LOXHD1: variants seen among roughly 807,000 people sequenced by gnomAD.
LOXHD1 encodes the protein lipoxygenase homology PLAT domains 1.
LOXHD1 carries 205 observed loss-of-function variants against 248.2 expected under a neutral mutation model. The observed-to-expected ratio is 0.83, with a 90% CI of 0.74 to 0.93. The LOEUF is 0.93. Ranked by LOEUF, LOXHD1 falls within the 40% of genes least tolerant of loss-of-function variation. The pLI is 0.00. For missense variants in LOXHD1, 2,930 were observed against 2,971.6 expected (o/e 0.99, Z 0.33); for synonymous variants, 1,113 against 1,162.8 (o/e 0.96, Z 0.87).
In LOXHD1 at chr18:46,593,693, G is replaced by T. The variant is rs1015986991; in HGVS notation, c.1338C>A (p.Phe446Leu). ...GCCCCTTCTGCCCATAAATCTGGAT[G>T]AAGATGGGAGAGTTGGTACCAGCTT... ...LKKAGTNSPIFIQIYGQKGRT... is the reference protein window; with the variant it reads ...LKKAGTNSPILIQIYGQKGRT... The change falls in exon 10 of 41, where the codon TTC (phenylalanine) becomes TTA (leucine). Residue 446 changes from phenylalanine to leucine, a missense_variant. By Grantham distance (22) the Phe-to-Leu change is conservative. Transcript: ENST00000642948. 6 of 1,552,282 alleles carry T rather than the reference G, an allele frequency of 3.9e-6. No individual in the cohort carries two copies. Among genetic ancestry groups the T allele is most frequent in the Non-Finnish European group, 5.2e-6 (6 of 1,147,108 alleles).
At chr18:46,581,370 G>A (rs1278183549) in intron 12 of LOXHD1, among the ~76,000 whole-genome samples, 1 of 152,132 alleles carries the variant, frequency 6.6e-6, no homozygotes, top group African/African-American at 2.4e-5. Context: ...TTTTGGCTTG[G>A]GCAATTAGAT....
At chr18:46,520,575 A>AC in intron 33 of LOXHD1, 1 of 293,536 alleles carries the variant, frequency 3.4e-6, no homozygotes, top group South Asian at 3.2e-5. Context: ...CGAAGCTCAG[A>AC]CCTCTTGCCC....
chr18:46,492,609 C>G (rs2033566453), intron 37 of LOXHD1, among the ~76,000 whole-genome samples: 1 of 152,216 alleles, frequency 6.6e-6, no homozygotes, highest in South Asian at 2.1e-4. Context: ...GGTGGGGACA[C>G]AGAGCCAAAG....
At chr18:46,565,694 A>C (rs750700743) in intron 17 of LOXHD1, among the ~76,000 whole-genome samples, 1 of 152,172 alleles carries the variant, frequency 6.6e-6, no homozygotes, top group Non-Finnish European at 1.5e-5. Flanking sequence ...AAATATCTCT[A>C]GGTTACTTAT....
rs560775398 is a variant in LOXHD1, at chr18:46,593,639, G to T, written c.1392C>A (p.Asn464Lys). The T allele has an allele frequency of 4.5e-6, 7 of 1,552,264 alleles. No individual in the cohort carries two copies. The highest frequency in any genetic ancestry group is 4.9e-5 in the East Asian group (2 of 40,910). Residue 464 changes from asparagine to lysine, a missense_variant, in exon 10 of 41, where the codon AAC becomes AAA. Asn to Lys is a moderately conservative substitution (Grantham distance 94, BLOSUM62 0). Transcript: ENST00000642948. ...GRTDEILLNP[N>K]NKWFKPGIIE... ...TTATGCCGGGTTTGAACCACTTGTT[G>T]TTGGGATTCAGGAGAATCTCATCTG...
At chr18:46,627,383 C>T (rs1034216601) in intron 4 of LOXHD1, among the ~76,000 whole-genome samples, 3 of 151,788 alleles carry the variant, frequency 2.0e-5, no homozygotes, top group African/African-American at 7.3e-5. Flanking sequence ...AGGGAGGGTT[C>T]CAGCAGGAAG....
At position 46,515,898 on chromosome 18, in the gene LOXHD1, G is replaced by A. The variant is rs187912756; in HGVS notation, c.5399+2231C>T. On this transcript the variant is annotated intron_variant, in intron 34 of 40. Coordinates refer to ENST00000642948, the MANE Select transcript of LOXHD1 (RefSeq NM_001384474.1). ...TATTTTGTCCCTGCTCCCAACTCAGGACTAACCAGACCGACGGACCAAATC... is the reference window on the plus strand; with the variant it reads ...TATTTTGTCCCTGCTCCCAACTCAGAACTAACCAGACCGACGGACCAAATC... 3.3e-5 allele frequency among the ~76,000 whole-genome samples: 5 copies of A among 152,258 alleles called. No homozygotes were observed. In the East Asian group the frequency reaches 9.6e-4, roughly 29 times the overall value.
chr18:46,536,322 C>G (rs1023664437), intron 26 of LOXHD1, among the ~76,000 whole-genome samples: 3 of 151,910 alleles, frequency 2.0e-5, no homozygotes, highest in African/African-American at 7.3e-5. Flanking sequence ...AGTGGCTGAG[C>G]CAGAATCAGA....
chr18:46,509,854 G>A (rs200988428), intron 34 of LOXHD1, 39 bp from the exon 35 acceptor site: 9 of 845,088 alleles, frequency 1.1e-5, no homozygotes, highest in East Asian at 3.9e-5. Flanking sequence ...AGGGAAGCTG[G>A]CCATTGGGGA....
chr18:46,593,050 G>C (rs1358895716), intron 10 of LOXHD1, among the ~76,000 whole-genome samples: 1 of 152,172 alleles, frequency 6.6e-6, no homozygotes, highest in African/African-American at 2.4e-5. Context: ...AATGAACTGA[G>C]TGGTGTAACA....
chr18:46,629,808 GA>G (rs1247363707), intron 4 of LOXHD1, among the ~76,000 whole-genome samples: 4 of 136,472 alleles, frequency 2.9e-5, no homozygotes, highest in African/African-American at 1.1e-4. Context: ...AAAAAAAAAA[GA>G]AAAAAAGAAA....
At chr18:46,594,518 T>C in intron 8 of LOXHD1, 52 bp from the exon 9 acceptor site, 2 of 1,548,172 alleles carry the variant, frequency 1.3e-6, no homozygotes, top group Non-Finnish European at 1.7e-6. Flanking sequence ...AGTAGGGTCC[T>C]CTTCGTGATG....
chr18:46,545,340 A>G lies in LOXHD1; in HGVS notation c.3596T>C (p.Leu1199Pro), dbSNP rs960260122. The change falls in exon 23 of 41, where the codon CTC becomes CCC. Residue 1199 changes from leucine (L) to proline (P), a missense_variant. Physicochemically the swap from Leu to Pro is moderately conservative, Grantham distance 98. Coordinates refer to ENST00000642948, the MANE Select transcript of LOXHD1 (RefSeq NM_001384474.1). ...ACCAGTGTCATCCTGTGTGCCAAAG[A>G]GTGTGATGAAGACATTAGCATCTGT... is the stretch of plus-strand genomic sequence containing the variant. ...AGTDANVFITLFGTQDDTGMT... is the reference protein window; with the variant it reads ...AGTDANVFITPFGTQDDTGMT... 3.9e-6 allele frequency: 6 copies of G among 1,551,690 alleles called. No homozygotes were observed. The highest frequency in any genetic ancestry group is 5.2e-6 in the Non-Finnish European group (6 of 1,146,890).
At chr18:46,615,665 AC>A (rs2038575909) in intron 5 of LOXHD1, among the ~76,000 whole-genome samples, 3 of 152,140 alleles carry the variant, frequency 2.0e-5, no homozygotes, top group African/African-American at 7.2e-5. Flanking sequence ...TGTATTCTCT[AC>A]CAGTTGGATG....
intron 2 of LOXHD1, among the ~76,000 whole-genome samples, chr18:46,642,981 C>A (rs1651000666): frequency 6.6e-6 from 1 of 152,202 alleles, no homozygotes; most frequent in Non-Finnish European, 1.5e-5. Context: ...TGTGCCATCA[C>A]AGAAGATTTA....
intron 40 of LOXHD1, among the ~76,000 whole-genome samples, chr18:46,478,739 T>C (rs1392656611): frequency 6.6e-6 from 1 of 152,182 alleles, no homozygotes; most frequent in Non-Finnish European, 1.5e-5. Flanking sequence ...GCTACCCAGG[T>C]TGGACTGCAA....
At chr18:46,560,048 T>TGCCACCCC in intron 19 of LOXHD1, 35 bp downstream of exon 19, 1 of 1,226,296 alleles carries the variant, frequency 8.2e-7, no homozygotes, top group Non-Finnish European at 1.1e-6. Flanking sequence ...GTCTGGCCAC[T>TGCCACCCC]CCCTCCCCAC....
chr18:46,629,528 C>T (rs973442416), intron 4 of LOXHD1, among the ~76,000 whole-genome samples: 2 of 152,050 alleles, frequency 1.3e-5, no homozygotes, highest in Admixed American at 6.5e-5. Flanking sequence ...AATCACCATC[C>T]CTTTCTTATC....
chr18:46,528,938 T>C (rs1422613665), intron 29 of LOXHD1, among the ~76,000 whole-genome samples: 1 of 152,026 alleles, frequency 6.6e-6, no homozygotes, highest in Non-Finnish European at 1.5e-5. Flanking sequence ...GCCTCCTGCT[T>C]GTCCAAGGCC....
Sources: allele counts gnomAD v4.1 joint callset (sites outside exome capture counted in the v4.1 genomes callset), GRCh38; gene constraint gnomAD v4.1.1; transcripts MANE v1.5; gene names NCBI Gene and HGNC (gene_info 2026-07-23, HGNC 2026-07-21).